The following SHISA6 variants were observed in gnomAD, a reference collection of about 807,000 sequenced individuals.
SHISA6 encodes the protein protein shisa-6.
A neutral mutation model predicts 47.9 loss-of-function variants in SHISA6; 22 were observed. The ratio of observed to expected loss-of-function variants is 0.46; its 90% CI spans 0.33 to 0.66. SHISA6 has a LOEUF of 0.66. SHISA6 is among the 30% of genes least tolerant of loss of function. The probability of loss-of-function intolerance (pLI) is 0.02; values close to 1 mark genes in which losing one functional copy is unlikely to be tolerated. For synonymous variants in SHISA6, 388 were observed against 337.8 expected (o/e 1.15, Z -1.63); for missense variants, 680 against 764.6 (o/e 0.89, Z 1.30).
intron 2 of SHISA6, among the ~76,000 whole-genome samples, chr17:11,318,602 A>G (rs1322564237): frequency 6.6e-6 from 1 of 152,170 alleles, no homozygotes; most frequent in Non-Finnish European, 1.5e-5. Flanking sequence ...CAGAACTGCA[A>G]ATGTGCATTT....
At chr17:11,365,972 A>G (rs1360508903) in intron 2 of SHISA6, among the ~76,000 whole-genome samples, 1 of 152,232 alleles carries the variant, frequency 6.6e-6, no homozygotes, top group Non-Finnish European at 1.5e-5. Flanking sequence ...CTGAGGACAG[A>G]GAGTTCCAGG....
intron 2 of SHISA6, among the ~76,000 whole-genome samples, chr17:11,307,521 C>G (rs1910166205): frequency 6.6e-6 from 1 of 152,216 alleles, no homozygotes; most frequent in Admixed American, 6.5e-5. Context: ...TCACAGTACT[C>G]TTATTCATCT....
chr17:11,495,020 C>T (rs1173787040), intron 3 of SHISA6, among the ~76,000 whole-genome samples: 2 of 152,168 alleles, frequency 1.3e-5, no homozygotes, highest in Non-Finnish European at 1.5e-5. Flanking sequence ...TCCGCCCAGT[C>T]ATGTGGGGTT....
In SHISA6 at chr17:11,370,429, G is replaced by A. The variant is rs370407620; in HGVS notation, c.800-8985G>A. Among the ~76,000 whole-genome samples the A allele has an allele frequency of 3.9e-5, 6 of 152,114 alleles. No individual in the cohort carries two copies. In the East Asian group the frequency reaches 1.2e-3, roughly 29 times the overall value. On this transcript the variant is annotated intron_variant, in intron 2 of 5. Coordinates refer to ENST00000441885, the MANE Select transcript of SHISA6 (RefSeq NM_207386.4). ...GGATCCCATATTTACGTTTTTGTTT[G>A]TTTCTTTGTTTTTGGTTTCAAACAC...
intron 2 of SHISA6, chr17:11,290,871 G>A (rs1397554479): frequency 6.6e-6 from 1 of 152,032 alleles, no homozygotes; most frequent in East Asian, 1.9e-4. Context: ...TTTCGTGTCT[G>A]CTTCAGGGGA....
intron 3 of SHISA6, among the ~76,000 whole-genome samples, chr17:11,397,889 G>GC (rs797002913): frequency 1.7e-4 from 26 of 151,820 alleles, no homozygotes; most frequent in Admixed American, 4.6e-4. Flanking sequence ...GGAGATTAGA[G>GC]CCCCCCCTTA....
chr17:11,279,557 T>TA (rs1418200580), intron 2 of SHISA6, among the ~76,000 whole-genome samples: 7 of 152,254 alleles, frequency 4.6e-5, no homozygotes, highest in African/African-American at 1.7e-4. Flanking sequence ...AAGAGGCTGT[T>TA]ACATGGGAAT....
chr17:11,467,524 A>G (rs1241622896), intron 3 of SHISA6, among the ~76,000 whole-genome samples: 1 of 152,224 alleles, frequency 6.6e-6, no homozygotes, highest in Non-Finnish European at 1.5e-5. Context: ...AAGCTAGAGG[A>G]AAGTGAGACA....
intron 2 of SHISA6, among the ~76,000 whole-genome samples, chr17:11,269,904 T>C (rs1490616307): frequency 6.6e-6 from 1 of 152,190 alleles, no homozygotes; most frequent in Non-Finnish European, 1.5e-5. Context: ...CTCCAATATA[T>C]TGGTTCCTAG....
At chr17:11,275,248 C>T (rs1430005689) in intron 2 of SHISA6, among the ~76,000 whole-genome samples, 1 of 151,460 alleles carries the variant, frequency 6.6e-6, no homozygotes, top group Non-Finnish European at 1.5e-5. Flanking sequence ...TGGCAAATGG[C>T]TCAGTTGTTC....
intron 3 of SHISA6, among the ~76,000 whole-genome samples, chr17:11,398,522 G>T (rs1273210331): frequency 6.6e-6 from 1 of 151,972 alleles, no homozygotes; most frequent in Non-Finnish European, 1.5e-5. Context: ...GACCTACCAG[G>T]ACACTTTTCC....
At chr17:11,432,036 G>A (rs910811166) in intron 3 of SHISA6, among the ~76,000 whole-genome samples, 2 of 152,168 alleles carry the variant, frequency 1.3e-5, no homozygotes, top group Admixed American at 1.3e-4. Flanking sequence ...AAATTTGCTT[G>A]TAAGAGGGAA....
intron 2 of SHISA6, among the ~76,000 whole-genome samples, chr17:11,323,371 T>C (rs1402148947): frequency 3.3e-5 from 5 of 152,194 alleles, no homozygotes; most frequent in Admixed American, 3.3e-4. Flanking sequence ...TAATAACACA[T>C]GAGCCGGGCA....
At chr17:11,495,468 G>A (rs1183488434) in intron 3 of SHISA6, among the ~76,000 whole-genome samples, 2 of 152,204 alleles carry the variant, frequency 1.3e-5, no homozygotes, top group Non-Finnish European at 2.9e-5. Context: ...GCCAGCCCAT[G>A]CAGAGGGGCA....
chr17:11,332,134 A>ACTT (rs1270098574), intron 2 of SHISA6, among the ~76,000 whole-genome samples: 1 of 151,624 alleles, frequency 6.6e-6, no homozygotes, highest in Non-Finnish European at 1.5e-5. Flanking sequence ...CAATTATCCA[A>ACTT]GCACCACCAT....
chr17:11,433,233 GC>G (rs1037674376), intron 3 of SHISA6, among the ~76,000 whole-genome samples: 5 of 151,760 alleles, frequency 3.3e-5, no homozygotes, highest in Non-Finnish European at 7.4e-5. Context: ...CCTCCCCCTA[GC>G]CCCCCACCCA....
chr17:11,245,414 C>T (rs1907538450), intron 1 of SHISA6, among the ~76,000 whole-genome samples: 1 of 152,192 alleles, frequency 6.6e-6, no homozygotes, highest in Non-Finnish European at 1.5e-5. Context: ...CCGCACAGCT[C>T]CCCTGAGGGG....
intron 3 of SHISA6, among the ~76,000 whole-genome samples, chr17:11,402,974 C>G (rs1252494387): frequency 6.6e-6 from 1 of 152,184 alleles, no homozygotes; most frequent in Non-Finnish European, 1.5e-5. Context: ...CAATGGCTGC[C>G]TCATAGCCTC....
At chr17:11,386,254 A>G (rs1913191374) in intron 3 of SHISA6, among the ~76,000 whole-genome samples, 1 of 152,276 alleles carries the variant, frequency 6.6e-6, no homozygotes, top group South Asian at 2.1e-4. Flanking sequence ...GCACACCTGT[A>G]ATTGCAGCTA....
Sources: gnomAD v4.1 joint callset for allele counts (sites outside exome capture counted in the v4.1 genomes callset) on GRCh38, gnomAD v4.1.1 for gene constraint, MANE v1.5 for transcripts, NCBI Gene and HGNC (gene_info 2026-07-23, HGNC 2026-07-21) for gene names.